CORO1C: variants seen among roughly 807,000 people sequenced by gnomAD.
CORO1C encodes the protein coronin-1C.
In CORO1C, 14 loss-of-function variants were observed where a neutral mutation model predicts 51.2. The ratio of observed to expected loss-of-function variants is 0.27; its 90% CI spans 0.18 to 0.43. CORO1C has a LOEUF of 0.43. CORO1C is among the 20% of genes least tolerant of loss of function. CORO1C has a pLI of 1.00. For synonymous variants in CORO1C, 181 were observed against 210.5 expected (o/e 0.86, Z 1.21); for missense variants, 417 against 607.8 (o/e 0.69, Z 3.30).
At position 108,720,123 on chromosome 12, in the gene CORO1C, C is replaced by T. The variant is rs533397731; in HGVS notation, c.-6+11306G>A. Among the ~76,000 whole-genome samples the T allele has an allele frequency of 2.6e-5, 4 of 151,950 alleles. No individual in the cohort carries two copies. In the South Asian group the frequency reaches 8.3e-4, roughly 32 times the overall value. On this transcript the variant is annotated intron_variant, in intron 1 of 10. Coordinates refer to ENST00000261401, the MANE Select transcript of CORO1C (RefSeq NM_014325.4). ...ATCACTTGAGCCTGGGAGGGCGACG[C>T]TGCATTGAGCCTCAATCACACCACT... is the stretch of plus-strand genomic sequence containing the variant.
At chr12:108,654,741 C>T (rs1446784230) in intron 6 of CORO1C, among the ~76,000 whole-genome samples, 2 of 151,458 alleles carry the variant, frequency 1.3e-5, no homozygotes, top group Non-Finnish European at 1.5e-5. Flanking sequence ...CTCCCTCTGT[C>T]GCCCAGGCTG....
chr12:108,691,395 C>T (rs755542133), intron 2 of CORO1C, among the ~76,000 whole-genome samples: 1 of 152,194 alleles, frequency 6.6e-6, no homozygotes, highest in Non-Finnish European at 1.5e-5. Context: ...GTTCATGACA[C>T]CTTGAGTTTA....
intron 6 of CORO1C, among the ~76,000 whole-genome samples, chr12:108,656,461 A>T (rs1163720607): frequency 7.1e-6 from 1 of 140,138 alleles, no homozygotes; most frequent in Non-Finnish European, 1.6e-5. Flanking sequence ...CCACCACCCC[A>T]TCCGGGAGGT....
At chr12:108,681,684 A>G (rs1555218847) in intron 2 of CORO1C, among the ~76,000 whole-genome samples, 1 of 152,244 alleles carries the variant, frequency 6.6e-6, no homozygotes, top group Non-Finnish European at 1.5e-5. Flanking sequence ...TACCATGGGT[A>G]AACCCTTGTT....
intron 1 of CORO1C, chr12:108,703,092 CAAAA>C: frequency 1.4e-6 from 1 of 695,354 alleles, no homozygotes; most frequent in South Asian, 2.6e-5. Context: ...CACATCTATA[CAAAA>C]GCCAACGTAC....
intron 1 of CORO1C, chr12:108,701,639 G>A (rs1252745300): frequency 2.9e-6 from 1 of 341,868 alleles, no homozygotes; most frequent in African/African-American, 2.1e-5. Flanking sequence ...GGTTGGGTGG[G>A]AGCTGACAGA....
chr12:108,712,712 T>C (rs1027317256), intron 1 of CORO1C, among the ~76,000 whole-genome samples: 1 of 151,860 alleles, frequency 6.6e-6, no homozygotes, highest in African/African-American at 2.4e-5. Flanking sequence ...CCGGGCACGT[T>C]GGCTCACGCC....
chr12:108,670,418 C>T lies in CORO1C; in HGVS notation c.318+7854G>A, dbSNP rs935798434. ...AGACCCCAGCACTCTCAAAATCACC[C>T]ACAGCGGGCTCCCTTCCAGGATGGG... On this transcript the variant is annotated intron_variant, in intron 3 of 10. Coordinates refer to ENST00000261401, the MANE Select transcript of CORO1C (RefSeq NM_014325.4). 3.9e-5 allele frequency among the ~76,000 whole-genome samples: 6 copies of T among 152,256 alleles called. No individual in the cohort carries two copies. The South Asian group carries it at 1.2e-3, about 32-fold the overall frequency.
intron 1 of CORO1C, among the ~76,000 whole-genome samples, chr12:108,708,127 T>A (rs1166915721): frequency 6.6e-6 from 1 of 152,174 alleles, no homozygotes; most frequent in Non-Finnish European, 1.5e-5. Flanking sequence ...CACTCCTAGG[T>A]ATACACTCAT....
chr12:108,687,792 A>AATC, intron 2 of CORO1C, among the ~76,000 whole-genome samples: 1 of 152,004 alleles, frequency 6.6e-6, no homozygotes, highest in Non-Finnish European at 1.5e-5. Context: ...CAATAATAAT[A>AATC]ATAACAATTT....
chr12:108,701,024 G>T, intron 2 of CORO1C, 100 bp downstream of exon 2: 2 of 1,321,530 alleles, frequency 1.5e-6, no homozygotes, highest in Non-Finnish European at 2.2e-6. Context: ...GAGTCTAATG[G>T]TTTCACAAAT....
chr12:108,698,903 T>C (rs1002469464), intron 2 of CORO1C, among the ~76,000 whole-genome samples: 1 of 152,218 alleles, frequency 6.6e-6, no homozygotes, highest in Non-Finnish European at 1.5e-5. Context: ...CACACTTTAA[T>C]ACACAAAAAT....
chr12:108,674,998 G>A (rs942179794), intron 3 of CORO1C, among the ~76,000 whole-genome samples: 2 of 152,148 alleles, frequency 1.3e-5, no homozygotes, highest in African/African-American at 4.8e-5. Context: ...AGCATCACAT[G>A]CTACAGAGAA....
chr12:108,694,631 G>A (rs1280744777), intron 2 of CORO1C, among the ~76,000 whole-genome samples: 1 of 152,068 alleles, frequency 6.6e-6, no homozygotes, highest in East Asian at 1.9e-4. Flanking sequence ...TAATGACTAT[G>A]ATCTTATAAC....
chr12:108,662,694 T>A (rs536860511), intron 3 of CORO1C, among the ~76,000 whole-genome samples: 17 of 152,286 alleles, frequency 1.1e-4, no homozygotes, highest in African/African-American at 4.1e-4. Flanking sequence ...CTTAGCTAAG[T>A]CTGTGGTTCT....
intron 2 of CORO1C, among the ~76,000 whole-genome samples, chr12:108,693,232 C>T (rs998006767): frequency 6.6e-6 from 1 of 152,192 alleles, no homozygotes; most frequent in African/African-American, 2.4e-5. Flanking sequence ...AACAACCTCA[C>T]GGTCTTGGAC....
At chr12:108,675,386 A>C (rs1323987805) in intron 3 of CORO1C, among the ~76,000 whole-genome samples, 1 of 152,190 alleles carries the variant, frequency 6.6e-6, no homozygotes, top group Non-Finnish European at 1.5e-5. Context: ...AATCTTGAAG[A>C]GGTTTCAATG....
intron 2 of CORO1C, among the ~76,000 whole-genome samples, chr12:108,691,088 C>CT (rs1400559807): frequency 6.7e-6 from 1 of 150,036 alleles, no homozygotes; most frequent in Non-Finnish European, 1.5e-5. Context: ...AATATTACAA[C>CT]TTTTTTTGGG....
At chr12:108,662,228 A>G in intron 3 of CORO1C, 70 bp from the exon 4 acceptor site, 1 of 1,328,266 alleles carries the variant, frequency 7.5e-7, no homozygotes, top group Non-Finnish European at 1.1e-6. Flanking sequence ...TACAGTGACC[A>G]TCCACTATAA....
Sources: gnomAD v4.1 joint callset for allele counts (sites outside exome capture counted in the v4.1 genomes callset) on GRCh38, gnomAD v4.1.1 for gene constraint, MANE v1.5 for transcripts, NCBI Gene and HGNC (gene_info 2026-07-23, HGNC 2026-07-21) for gene names.